The following TATDN3 variants were observed in gnomAD, a reference collection of about 807,000 sequenced individuals.
TATDN3 encodes deoxyribonuclease TATDN3.
In TATDN3, 29 loss-of-function variants were observed where a neutral mutation model predicts 40.1. The ratio of observed to expected loss-of-function variants is 0.72; its 90% CI spans 0.54 to 0.99. The LOEUF (loss-of-function observed/expected upper bound fraction) is 0.99. Ranked by LOEUF, TATDN3 falls within the 50% of genes least tolerant of loss-of-function variation. The pLI, the probability that TATDN3 is intolerant of heterozygous loss-of-function variation, is 0.00. For synonymous variants in TATDN3, 105 were observed against 117.0 expected, an observed-to-expected ratio of 0.90 and a Z score of 0.66; for missense variants, 309 against 321.9, an observed-to-expected ratio of 0.96 and a Z score of 0.31.
intron 8 of TATDN3, among the ~76,000 whole-genome samples, chr1:212,808,325 A>AAG (rs899714187): frequency 6.6e-6 from 1 of 151,042 alleles, no homozygotes; most frequent in East Asian, 1.9e-4. Context: ...AAAAAAAAAA[A>AAG]AAACTAAAAA....
chr1:212,807,975 T>C (rs1662640445), intron 8 of TATDN3, 127 bp downstream of exon 8: 1 of 586,440 alleles, frequency 1.7e-6, no homozygotes, highest in Admixed American at 3.6e-5. Context: ...CTACCTCACA[T>C]ATATATAAAA....
In TATDN3 at chr1:212,811,243, C is replaced by T. The variant is rs180713643; in HGVS notation, c.601-1005C>T. Among the ~76,000 whole-genome samples, 209 of 151,864 alleles carry T rather than the reference C, an allele frequency of 1.4e-3. 1 individual carries two copies. The highest frequency in any genetic ancestry group is 3.4e-3 in the Middle Eastern group (1 of 292). On this transcript the variant is annotated intron_variant, in intron 8 of 9. Coordinates refer to ENST00000366974, the MANE Select transcript of TATDN3 (RefSeq NM_001042552.3). ...CTCTGCCTCCCGGGTTCAAGTGATT[C>T]TGCCTCAACCTCCCGAGTAGCTGGG...
At chr1:212,795,498 T>C (rs73083756) in intron 2 of TATDN3, among the ~76,000 whole-genome samples, 25,142 of 152,036 alleles carry the variant, frequency 0.17, 2,182 homozygotes, top group East Asian at 0.24. Context: ...CTTGAACTCC[T>C]GACCTGAGGT....
Position 212,815,027 on chromosome 1 carries a change from C to T in TATDN3, c.696C>T (p.Pro232=), listed in dbSNP as rs1319491994. 6.2e-7 allele frequency: 1 copy of T among 1,613,316 alleles called. No individual in the cohort carries two copies. The highest frequency in any genetic ancestry group is 2.2e-5 in the East Asian group (1 of 44,876). Residue 232 remains proline (P), a synonymous_variant, in exon 10 of 10, where the codon CCC becomes CCT. Coordinates refer to ENST00000366974, the MANE Select transcript of TATDN3 (RefSeq NM_001042552.3). ...TCTTGTTTCAGGTACGGAATGAGCC[C>T]TGGAACATTTCTATTTCAGCAGAAT... ...LGPEKQVRNE[P]WNISISAEYI... is the part of the protein sequence containing the mutation.
chr1:212,804,459 C>G, intron 6 of TATDN3, 30 bp downstream of exon 6: 1 of 1,579,452 alleles, frequency 6.3e-7, no homozygotes, highest in South Asian at 1.1e-5. Flanking sequence ...ATGTTAATAG[C>G]TATAGAGCAA....
intron 4 of TATDN3, among the ~76,000 whole-genome samples, chr1:212,800,427 G>T (rs1334463141): frequency 1.3e-5 from 2 of 149,472 alleles, no homozygotes; most frequent in African/African-American, 5.0e-5. Flanking sequence ...AGGCTGGAGT[G>T]CAGTGGCGCC....
chr1:212,794,100 G>A (rs1661556155), intron 1 of TATDN3, among the ~76,000 whole-genome samples: 1 of 151,982 alleles, frequency 6.6e-6, no homozygotes, highest in Admixed American at 6.6e-5. Context: ...CTAACATGGT[G>A]AAACCCTGTC....
intron 9 of TATDN3, among the ~76,000 whole-genome samples, chr1:212,813,872 G>A (rs532345421): frequency 2.6e-5 from 4 of 151,786 alleles, no homozygotes; most frequent in Non-Finnish European, 4.4e-5. Context: ...CACCACGCCC[G>A]GCTGATTTTT....
At chr1:212,792,224 C>T (rs1283559257) in intron 1 of TATDN3, among the ~76,000 whole-genome samples, 3 of 152,144 alleles carry the variant, frequency 2.0e-5, no homozygotes, top group Non-Finnish European at 4.4e-5. Context: ...GTTTGCTCTT[C>T]TGAGTTCCTG....
At position 212,791,940 on chromosome 1, in the gene TATDN3, G is replaced by T; in HGVS notation, c.19G>T (p.Gly7Cys). 6.2e-7 allele frequency: 1 copy of T among 1,613,748 alleles called. No individual in the cohort carries two copies. The highest frequency in any genetic ancestry group is 1.1e-5 in the South Asian group (1 of 91,058). Residue 7 changes from glycine (G) to cysteine (C), a missense_variant, in exon 1 of 10, where the codon GGC becomes TGC. Coordinates refer to ENST00000366974, the MANE Select transcript of TATDN3 (RefSeq NM_001042552.3). MRAAGV[G>C]LVDCHCHLSA... is the part of the protein sequence containing the mutation. ...GGGCGCAATGCGAGCGGCTGGCGTA[G>T]GCTTGGTGGACTGTCACTGCCACCT...
At chr1:212,807,319 C>CA (rs1337924328) in intron 7 of TATDN3, among the ~76,000 whole-genome samples, 1 of 152,074 alleles carries the variant, frequency 6.6e-6, no homozygotes, top group Non-Finnish European at 1.5e-5. Flanking sequence ...GTGGTGCGAT[C>CA]ACAGCTCACT....
rs796710955 is a variant in TATDN3, at chr1:212,806,783, T to TATATATATATAC, written c.488-952_488-951insTATATATATACA. On this transcript the variant is annotated intron_variant, in intron 7 of 9. Transcript: ENST00000366974. ...ATATATATATATATATATATATATA[T>TATATATATATAC]ACACACACACACACACATATATACA... 9.6e-4 allele frequency among the ~76,000 whole-genome samples: 76 copies of TATATATATATAC among 79,518 alleles called. 14 individuals are homozygous for TATATATATATAC. Among genetic ancestry groups the TATATATATATAC allele is most frequent in the Middle Eastern group, 7.1e-3 (1 of 140 alleles). 52.2% of individuals were successfully genotyped at this position (79,518 alleles called of 152,430 possible). A position where few individuals can be genotyped will look rare whatever the true frequency, so the allele number is the denominator to read the frequency against.
chr1:212,805,455 G>C (rs1362970028), intron 7 of TATDN3, among the ~76,000 whole-genome samples: 4 of 146,742 alleles, frequency 2.7e-5, no homozygotes, highest in East Asian at 4.1e-4. Flanking sequence ...GGGGTTTCAC[G>C]ATGTTGGCCA....
chr1:212,811,063 A>G (rs962241648), intron 8 of TATDN3, among the ~76,000 whole-genome samples: 3 of 151,926 alleles, frequency 2.0e-5, no homozygotes, highest in African/African-American at 7.3e-5. Flanking sequence ...TCTCACTGCA[A>G]TCTCCGCCTC....
Position 212,797,119 on chromosome 1 carries a change from G to A in TATDN3, c.181G>A (p.Gly61Arg), listed in dbSNP as rs1214366226. 1.2e-6 allele frequency: 2 copies of A among 1,613,680 alleles called. No individual in the cohort carries two copies. The highest frequency in any genetic ancestry group is 1.7e-6 in the Non-Finnish European group (2 of 1,179,806). The change falls in exon 4 of 10, where the codon GGG becomes AGG. Residue 61 changes from glycine to arginine, a missense_variant. Transcript: ENST00000366974. ...TTGGTTCTACATTTTTAGGTATAAT[G>A]GGTTTGTCCTGCCATGCTTGGGTGT... Reference protein sequence around the residue: ...KIMQLSERYNGFVLPCLGVHP... With the variant: ...KIMQLSERYNRFVLPCLGVHP...
chr1:212,816,149 C>T lies in TATDN3; in HGVS notation c.*993C>T, dbSNP rs983341207. ...ATTATTAAAAATGTATCTGATTTCTCTGTGAACAGTAATATTTCATATTTT... is the reference window on the plus strand; with the variant it reads ...ATTATTAAAAATGTATCTGATTTCTTTGTGAACAGTAATATTTCATATTTT... On this transcript the variant is annotated 3_prime_UTR_variant, in exon 10 of 10. Coordinates refer to ENST00000366974, the MANE Select transcript of TATDN3 (RefSeq NM_001042552.3). The T allele has an allele frequency of 2.6e-5, 4 of 152,152 alleles. No homozygotes were observed. The highest frequency in any genetic ancestry group is 4.4e-5 in the Non-Finnish European group (3 of 68,036). The allele number at this position is 152,152 out of a possible 1,614,324, so 9.4% of individuals were successfully genotyped here. A position where few individuals can be genotyped will look rare whatever the true frequency, so the allele number is the denominator to read the frequency against.
chr1:212,799,307 G>A (rs1204886162), intron 4 of TATDN3, among the ~76,000 whole-genome samples: 1 of 151,994 alleles, frequency 6.6e-6, no homozygotes, highest in East Asian at 1.9e-4. Context: ...AAATGAGTTT[G>A]GTGAAGAAAA....
In TATDN3 at chr1:212,795,084, G is replaced by A; in HGVS notation, c.67-11G>A. On this transcript the variant is annotated splice_polypyrimidine_tract_variant and intron_variant, in intron 1 of 9. Transcript: ENST00000366974. ...ATCTAAAATAATGGTGATTTCTTATGCTTGTTTTAGGATTTGGATGATGTG... is the reference window on the plus strand; with the variant it reads ...ATCTAAAATAATGGTGATTTCTTATACTTGTTTTAGGATTTGGATGATGTG... 1.2e-6 allele frequency: 2 copies of A among 1,608,510 alleles called. No homozygotes were observed. The highest frequency in any genetic ancestry group is 8.5e-7 in the Non-Finnish European group (1 of 1,175,464).
At chr1:212,797,321 C>A in intron 4 of TATDN3, 125 bp downstream of exon 4, 3 of 706,502 alleles carry the variant, frequency 4.2e-6, no homozygotes, top group Non-Finnish European at 4.6e-6. Context: ...ACATTACCTT[C>A]TTTAACAAAG....
Sources: allele counts gnomAD v4.1 joint callset (sites outside exome capture counted in the v4.1 genomes callset), GRCh38; gene constraint gnomAD v4.1.1; transcripts MANE v1.5; gene names NCBI Gene and HGNC (gene_info 2026-07-23, HGNC 2026-07-21).